Variants in WDPCP observed in about 807,000 individuals in gnomAD.
WDPCP encodes WD repeat containing planar cell polarity effector.
In WDPCP, 71 loss-of-function variants were observed where a neutral mutation model predicts 93.1. That is an observed-to-expected ratio of 0.76 (90% CI 0.63 to 0.93). The LOEUF (loss-of-function observed/expected upper bound fraction) is 0.93, where lower values mean the gene tolerates loss of function less well. Among genes scored for constraint, WDPCP ranks in the 40% least tolerant of loss-of-function variants. The probability of loss-of-function intolerance (pLI) is 0.00; values close to 1 mark genes in which losing one functional copy is unlikely to be tolerated. For missense variants in WDPCP, 844 were observed against 887.4 expected, an observed-to-expected ratio of 0.95 and a Z score of 0.62; for synonymous variants, 315 against 315.0, an observed-to-expected ratio of 1.00 and a Z score of 0.00.
rs1491585365 is a variant in WDPCP at position 63,575,479 on chromosome 2, G to GCGTATGCAC, written c.75+12717_75+12718insGTGCATACG. On this transcript the variant is annotated intron_variant, in intron 1 of 17. Transcript: ENST00000272321. Reference sequence around the variant, plus strand: ...ATACAGTATATATGCAGTATATACAGTGTATATATAGTATATACAGTATAT... The same window carrying GCGTATGCAC: ...ATACAGTATATATGCAGTATATACAGCGTATGCACTGTATATATAGTATATACAGTATAT... 4.0e-3 allele frequency among the ~76,000 whole-genome samples: 10 copies of GCGTATGCAC among 2,526 alleles called. 1 individual carries two copies. Among genetic ancestry groups the GCGTATGCAC allele is most frequent in the Admixed American group, 8.8e-3 (2 of 228 alleles). The allele number at this position is 2,526 out of a possible 152,430, so 1.7% of individuals were successfully genotyped here. A position where few individuals can be genotyped will look rare whatever the true frequency, so the allele number is the denominator to read the frequency against.
At chr2:63,755,364 C>A (rs1669950416) in intron 2 of WDPCP, among the ~76,000 whole-genome samples, 1 of 152,120 alleles carries the variant, frequency 6.6e-6, no homozygotes, top group South Asian at 2.1e-4. Flanking sequence ...CACTTACTCG[C>A]ATGGCTACAT....
At chr2:63,154,329 C>G (rs1472711800) in intron 15 of WDPCP, among the ~76,000 whole-genome samples, 2 of 152,062 alleles carry the variant, frequency 1.3e-5, no homozygotes, top group Non-Finnish European at 2.9e-5. Context: ...AACCTATACA[C>G]CCTGGCAACC....
chr2:63,523,222 T>C (rs1703071456), intron 1 of WDPCP, among the ~76,000 whole-genome samples: 1 of 152,192 alleles, frequency 6.6e-6, no homozygotes, highest in Non-Finnish European at 1.5e-5. Context: ...ATCATCTCAA[T>C]AAATGCAGAA....
intron 2 of WDPCP, chr2:63,684,309 G>C (rs1487568747): frequency 1.6e-6 from 1 of 616,584 alleles, no homozygotes; most frequent in Admixed American, 2.1e-5. Context: ...TGCTGAAATG[G>C]GCAAGTTCAT....
intron 17 of WDPCP, among the ~76,000 whole-genome samples, chr2:63,147,076 A>C (rs564414680): frequency 6.6e-6 from 1 of 152,244 alleles, no homozygotes; most frequent in Non-Finnish European, 1.5e-5. Flanking sequence ...TAGGGATGTA[A>C]GAATGAAGTA....
intron 2 of WDPCP, among the ~76,000 whole-genome samples, chr2:63,785,131 G>GT (rs992239194): frequency 3.9e-5 from 6 of 152,126 alleles, no homozygotes; most frequent in African/African-American, 1.4e-4. Context: ...CACTGAGTTG[G>GT]TTTTTTCCCT....
At chr2:63,311,752 TGAGAA>T (rs1214724129) in intron 13 of WDPCP, among the ~76,000 whole-genome samples, 1 of 152,192 alleles carries the variant, frequency 6.6e-6, no homozygotes, top group Non-Finnish European at 1.5e-5. Flanking sequence ...AGATATGATT[TGAGAA>T]AAGTTTAGAA....
intron 3 of WDPCP, chr2:63,622,693 C>T: frequency 6.2e-7 from 1 of 1,613,790 alleles, no homozygotes; most frequent in Non-Finnish European, 8.5e-7. Flanking sequence ...AGTTTCTGGT[C>T]AGGGGTCACC....
chr2:63,329,401 CTTT>C (rs558671777), intron 12 of WDPCP, among the ~76,000 whole-genome samples: 1 of 151,124 alleles, frequency 6.6e-6, no homozygotes, highest in Non-Finnish European at 1.5e-5. Context: ...ACATACCGCA[CTTT>C]TTTTTTGCAA....
At chr2:63,699,637 A>T (rs985020694) in intron 2 of WDPCP, among the ~76,000 whole-genome samples, 1 of 152,200 alleles carries the variant, frequency 6.6e-6, no homozygotes. Context: ...TCTAAAAAAA[A>T]GTTTGGAGCT....
chr2:63,493,028 T>A, intron 1 of WDPCP, 88 bp from the exon 2 acceptor site: 2 of 1,111,214 alleles, frequency 1.8e-6, no homozygotes, highest in Non-Finnish European at 2.7e-6. Flanking sequence ...GTAAAAAGAA[T>A]CATTCGCCAC....
At chr2:63,620,598 T>C (rs1356651027) in intron 3 of WDPCP, among the ~76,000 whole-genome samples, 2 of 152,144 alleles carry the variant, frequency 1.3e-5, no homozygotes. Flanking sequence ...GGGCACAGCT[T>C]CAGCAGATTT....
At chr2:63,674,176 C>G (rs185742042) in intron 2 of WDPCP, among the ~76,000 whole-genome samples, 182 of 152,272 alleles carry the variant, frequency 1.2e-3, no homozygotes, top group African/African-American at 4.3e-3. Context: ...AAGAACAATG[C>G]GATTGATTTT....
At chr2:63,193,489 T>G (rs1675194181) in intron 14 of WDPCP, among the ~76,000 whole-genome samples, 1 of 152,184 alleles carries the variant, frequency 6.6e-6, no homozygotes, top group African/African-American at 2.4e-5. Context: ...TCATATGACA[T>G]TATTTATTTA....
rs559738139 is a variant in WDPCP at position 63,341,223 on chromosome 2, G to T, written c.1749-27912C>A. Among the ~76,000 whole-genome samples, 4 of 152,290 alleles carry T rather than the reference G, an allele frequency of 2.6e-5. No individual in the cohort carries two copies. In the South Asian group the frequency reaches 8.3e-4, roughly 32 times the overall value. ...GGCATACTGCAACCTCCGCCTCCCA[G>T]GTTCAAGTGATTCTCCTGCCTCAGC... is the stretch of plus-strand genomic sequence containing the variant. On this transcript the variant is annotated intron_variant, in intron 12 of 17. Coordinates refer to ENST00000272321, the MANE Select transcript of WDPCP (RefSeq NM_015910.7).
At chr2:63,312,259 C>T (rs2103938576) in intron 13 of WDPCP, among the ~76,000 whole-genome samples, 1 of 152,162 alleles carries the variant, frequency 6.6e-6, no homozygotes, top group South Asian at 2.1e-4. Flanking sequence ...GATGATTGAT[C>T]TAATGTGATG....
chr2:63,383,868 A>C (rs979526009), intron 10 of WDPCP, among the ~76,000 whole-genome samples: 1 of 152,164 alleles, frequency 6.6e-6, no homozygotes, highest in Non-Finnish European at 1.5e-5. Flanking sequence ...ACTGCACCCA[A>C]CCACAGTAAA....
intron 2 of WDPCP, among the ~76,000 whole-genome samples, chr2:63,722,620 GC>G (rs528468774): frequency 4.9e-5 from 6 of 121,740 alleles, no homozygotes; most frequent in Non-Finnish European, 9.0e-5. Flanking sequence ...GGGGGGGTCA[GC>G]CCCCGCCCGG....
At chr2:63,550,865 A>G (rs573268412) in intron 1 of WDPCP, among the ~76,000 whole-genome samples, 2 of 152,092 alleles carry the variant, frequency 1.3e-5, no homozygotes, top group Admixed American at 6.6e-5. Context: ...TGAAATAAGA[A>G]TTCCTTATAA....
Sources: gnomAD v4.1 joint callset for allele counts (sites outside exome capture counted in the v4.1 genomes callset) on GRCh38, gnomAD v4.1.1 for gene constraint, MANE v1.5 for transcripts, NCBI Gene and HGNC (gene_info 2026-07-23, HGNC 2026-07-21) for gene names.